C8orf34: variants seen among roughly 807,000 people sequenced by gnomAD.
The protein encoded by C8orf34 is uncharacterized protein C8orf34.
Under a neutral mutation model 68.3 loss-of-function variants are expected in C8orf34, and 65 were observed. The ratio of observed to expected loss-of-function variants is 0.95; its 90% CI spans 0.78 to 1.17. The LOEUF is 1.17. Among genes scored for constraint, C8orf34 ranks in the 50% most tolerant of loss-of-function variants. C8orf34 has a pLI of 0.00. For synonymous variants in C8orf34, 244 were observed against 241.2 expected (o/e 1.01, Z -0.11); for missense variants, 664 against 655.4 (o/e 1.01, Z -0.14).
chr8:68,360,760 T>C (rs1006875229), intron 1 of C8orf34, among the ~76,000 whole-genome samples: 5 of 150,096 alleles, frequency 3.3e-5, no homozygotes, highest in East Asian at 2.0e-4. Context: ...TCCTTTCTTT[T>C]TTTTTTTTTT....
intron 1 of C8orf34, among the ~76,000 whole-genome samples, chr8:68,396,535 T>A (rs1170129165): frequency 2.0e-5 from 3 of 151,564 alleles, no homozygotes; most frequent in South Asian, 4.2e-4. Context: ...CCCCTGGTTA[T>A]AGTTTCAATA....
intron 7 of C8orf34, among the ~76,000 whole-genome samples, chr8:68,603,519 A>G (rs1817760798): frequency 9.3e-6 from 1 of 108,018 alleles, no homozygotes; most frequent in Admixed American, 9.2e-5. Context: ...GTATATATAC[A>G]TATATCTATC....
intron 7 of C8orf34, among the ~76,000 whole-genome samples, chr8:68,607,365 G>A (rs989114557): frequency 6.6e-6 from 1 of 152,158 alleles, no homozygotes; most frequent in Non-Finnish European, 1.5e-5. Flanking sequence ...CGGCAGGGTT[G>A]GTTTCTCCTG....
chr8:68,587,503 T>C (rs1817243109), intron 7 of C8orf34, among the ~76,000 whole-genome samples: 1 of 152,040 alleles, frequency 6.6e-6, no homozygotes, highest in Non-Finnish European at 1.5e-5. Flanking sequence ...TGCCAAAATT[T>C]GAATGACAGA....
At chr8:68,534,089 T>C in intron 7 of C8orf34, 10 of 983,856 alleles carry the variant, frequency 1.0e-5, no homozygotes, top group Non-Finnish European at 1.1e-5. Flanking sequence ...TTTAAGTGTT[T>C]ATGGCAGTAA....
intron 8 of C8orf34, among the ~76,000 whole-genome samples, chr8:68,652,017 T>C (rs1411558139): frequency 2.0e-5 from 3 of 152,178 alleles, no homozygotes; most frequent in African/African-American, 7.2e-5. Flanking sequence ...GTTCCGTGCA[T>C]TATAATAGAC....
chr8:68,561,534 A>T (rs1487529437), intron 7 of C8orf34, among the ~76,000 whole-genome samples: 1 of 152,074 alleles, frequency 6.6e-6, no homozygotes, highest in Non-Finnish European at 1.5e-5. Context: ...ACATGGGGGG[A>T]TCTCCTGAGG....
chr8:68,392,880 A>G (rs1808531444), intron 1 of C8orf34, among the ~76,000 whole-genome samples: 1 of 152,164 alleles, frequency 6.6e-6, no homozygotes, highest in African/African-American at 2.4e-5. Context: ...AAAAAGCCTA[A>G]GGATTGAATG....
chr8:68,410,500 T>A (rs563619929), intron 1 of C8orf34, among the ~76,000 whole-genome samples: 1 of 152,296 alleles, frequency 6.6e-6, no homozygotes, highest in Non-Finnish European at 1.5e-5. Flanking sequence ...ATGTTTTATA[T>A]CAAGGACTTG....
At chr8:68,652,269 C>T (rs1264645144) in intron 8 of C8orf34, among the ~76,000 whole-genome samples, 1 of 152,142 alleles carries the variant, frequency 6.6e-6, no homozygotes, top group Non-Finnish European at 1.5e-5. Flanking sequence ...GGGCTATTGT[C>T]TTTTAATGGT....
intron 1 of C8orf34, among the ~76,000 whole-genome samples, chr8:68,373,534 T>C (rs2129619860): frequency 1.3e-5 from 2 of 152,260 alleles, no homozygotes; most frequent in South Asian, 4.2e-4. Flanking sequence ...TTTAATGGGG[T>C]TTATTTCTCA....
At chr8:68,441,469 T>C (rs1186528625) in intron 2 of C8orf34, among the ~76,000 whole-genome samples, 2 of 152,112 alleles carry the variant, frequency 1.3e-5, no homozygotes, top group African/African-American at 4.8e-5. Context: ...CTCCTCCTCC[T>C]CCATCTTCTT....
chr8:68,634,194 G>A (rs1391138973), intron 7 of C8orf34, among the ~76,000 whole-genome samples: 2 of 152,192 alleles, frequency 1.3e-5, no homozygotes, highest in Non-Finnish European at 2.9e-5. Context: ...TGATAAGAAT[G>A]TTGCTTTTCT....
At chr8:68,762,361 A>G (rs552124245) in intron 10 of C8orf34, among the ~76,000 whole-genome samples, 2 of 152,324 alleles carry the variant, frequency 1.3e-5, no homozygotes, top group African/African-American at 2.4e-5. Flanking sequence ...TCAACCTGCA[A>G]TATTGGTATG....
At chr8:68,468,639 G>C (rs1026923807) in intron 3 of C8orf34, 53 bp from the exon 4 acceptor site, 4 of 1,575,706 alleles carry the variant, frequency 2.5e-6, no homozygotes, top group Non-Finnish European at 3.5e-6. Context: ...TGAATAGTCA[G>C]TTTGTGTCAT....
intron 10 of C8orf34, among the ~76,000 whole-genome samples, chr8:68,765,240 A>G (rs1585848776): frequency 6.6e-6 from 1 of 152,378 alleles, no homozygotes; most frequent in East Asian, 1.9e-4. Context: ...GAAAATGGAA[A>G]TCAGGGAAGT....
At chr8:68,360,848 A>G (rs1472628050) in intron 1 of C8orf34, among the ~76,000 whole-genome samples, 2 of 145,448 alleles carry the variant, frequency 1.4e-5, no homozygotes, top group African/African-American at 5.2e-5. Context: ...CATCTCCCAG[A>G]TTTGAGTGAT....
chr8:68,421,203 T>A lies in C8orf34; in HGVS notation c.328-18296T>A, dbSNP rs373416400. ...ACTTTCCCTGTTCCTCTATTCTAAA[T>A]AAAACGAAAGACCTTGGGCATTATT... is the stretch of plus-strand genomic sequence containing the variant. On this transcript the variant is annotated intron_variant, in intron 1 of 13. Transcript: ENST00000518698. Among the ~76,000 whole-genome samples the A allele has an allele frequency of 7.2e-4, 109 of 152,246 alleles. 1 individual carries two copies. The highest frequency in any genetic ancestry group is 2.4e-3 in the African/African-American group (99 of 41,546).
chr8:68,499,924 G>A (rs1813693928), intron 5 of C8orf34, among the ~76,000 whole-genome samples: 1 of 152,182 alleles, frequency 6.6e-6, no homozygotes, highest in Non-Finnish European at 1.5e-5. Context: ...GAATGGTTTA[G>A]CACCGTTCCC....
Sources: gnomAD v4.1 joint callset for allele counts (sites outside exome capture counted in the v4.1 genomes callset) on GRCh38, gnomAD v4.1.1 for gene constraint, MANE v1.5 for transcripts, NCBI Gene and HGNC (gene_info 2026-07-23, HGNC 2026-07-21) for gene names.